The following RASAL3 variants were observed in gnomAD, a reference collection of about 807,000 sequenced individuals.
RASAL3 encodes the protein RAS protein activator like 3, also known as RAS protein activator like-3.
RASAL3 carries 74 observed loss-of-function variants against 105.5 expected under a neutral mutation model. The ratio of observed to expected loss-of-function variants is 0.70; its 90% CI spans 0.58 to 0.85. The LOEUF is 0.85. Among genes scored for constraint, RASAL3 ranks in the 40% least tolerant of loss-of-function variants. The pLI is 0.00. For synonymous variants in RASAL3, 579 were observed against 591.6 expected, an observed-to-expected ratio of 0.98 and a Z score of 0.31; for missense variants, 1,352 against 1,392.0, an observed-to-expected ratio of 0.97 and a Z score of 0.46.
At chr19:15,459,724 A>G (rs557110707) in intron 6 of RASAL3, among the ~76,000 whole-genome samples, 54 of 152,128 alleles carry the variant, frequency 3.5e-4, no homozygotes, top group Non-Finnish European at 6.2e-4. Context: ...TTTTGTAGAA[A>G]TGGGGTCTCA....
rs779879476 is a variant in RASAL3 at position 15,461,213 on chromosome 19, C to A, written c.544+5G>T. On this transcript the variant is annotated splice_donor_5th_base_variant and intron_variant, in intron 4 of 17. Coordinates refer to ENST00000343625, the MANE Select transcript of RASAL3 (RefSeq NM_022904.3). Reference sequence around the variant, plus strand: ...GCCCCAGGCCTTTCCACCCCTCAAGCTTACCTGGATCCCTGAAGTTCCCCA... The same window carrying A: ...GCCCCAGGCCTTTCCACCCCTCAAGATTACCTGGATCCCTGAAGTTCCCCA... 7.4e-6 allele frequency: 12 copies of A among 1,613,802 alleles called. No individual in the cohort carries two copies. In the Admixed American group the frequency reaches 1.8e-4, roughly 25 times the overall value.
chr19:15,459,863 G>C (rs922273738), intron 6 of RASAL3, among the ~76,000 whole-genome samples: 3 of 152,098 alleles, frequency 2.0e-5, no homozygotes, highest in African/African-American at 7.3e-5. Flanking sequence ...CGGCCTCTTG[G>C]CCTTTGCACT....
chr19:15,452,540 G>T, intron 16 of RASAL3, 118 bp downstream of exon 16: 2 of 927,308 alleles, frequency 2.2e-6, no homozygotes, highest in Non-Finnish European at 3.1e-6. Context: ...ATTGGGGCGG[G>T]GCCAGGGTGG....
Position 15,454,879 on chromosome 19 carries a change from T to A in RASAL3, c.1736A>T (p.Glu579Val). ...IIHSYDWFPAELGIVFSSWRE... is the reference protein window; with the variant it reads ...IIHSYDWFPAVLGIVFSSWRE... ...CCAGCTTGAGAACACGATGCCCAGC[T>A]CCGCAGGGAACCAGCTGGTGCAGAA... Residue 579 changes from glutamate to valine, a missense_variant, in exon 12 of 18, where the codon GAG becomes GTG. Glu to Val is a moderately radical substitution (Grantham distance 121). Around this residue, in one of 3 missense-constraint regions of RASAL3, gnomAD observed 920 missense variants for 919.6 expected, o/e 1.00. Coordinates refer to ENST00000343625, the MANE Select transcript of RASAL3 (RefSeq NM_022904.3). 6.4e-7 allele frequency: 1 copy of A among 1,559,890 alleles called. No homozygotes were observed. Among genetic ancestry groups the A allele is most frequent in the Non-Finnish European group, 8.7e-7 (1 of 1,153,376 alleles).
intron 2 of RASAL3, among the ~76,000 whole-genome samples, chr19:15,463,541 T>C (rs188632027): frequency 2.4e-4 from 36 of 152,278 alleles, no homozygotes; most frequent in African/African-American, 8.4e-4. Context: ...TCAACAAACC[T>C]CTGCTTGAAT....
Position 15,464,181 on chromosome 19 carries a change from G to A in RASAL3, c.178C>T (p.Gln60Ter), listed in dbSNP as rs1205757052. ...CGGAATATCGAGCGAGGGGCTGGCT[G>A]GGTGCTGACCATGGGCTCCTGGTGG... is the stretch of plus-strand genomic sequence containing the variant. Reference protein sequence around the residue: ...LSHQEPMVSTQPAPRSIFRRV... With the variant: ...LSHQEPMVST Residue 60 changes from glutamine to a stop codon, truncating the protein, a stop_gained, in exon 2 of 18, where the codon CAG becomes TAG. Transcript: ENST00000343625. LOFTEE classifies it high-confidence loss of function. 1 of 1,612,780 alleles carries A rather than the reference G, an allele frequency of 6.2e-7. No individual in the cohort carries two copies. Among genetic ancestry groups the A allele is most frequent in the Non-Finnish European group, 8.5e-7 (1 of 1,179,638 alleles).
At chr19:15,459,165 C>G (rs2145479867) in intron 6 of RASAL3, among the ~76,000 whole-genome samples, 1 of 151,874 alleles carries the variant, frequency 6.6e-6, no homozygotes, top group Non-Finnish European at 1.5e-5. Context: ...TCTTGAACTC[C>G]TGATCCCAAG....
chr19:15,458,667 G>A lies in RASAL3; in HGVS notation c.663-12C>T, dbSNP rs766473302. The A allele has an allele frequency of 1.4e-5, 23 of 1,611,254 alleles. No homozygotes were observed. The highest frequency in any genetic ancestry group is 1.7e-5 in the Non-Finnish European group (20 of 1,178,980). ...GAGCACTGGGGGGTCTGGGAAGGGG[G>A]TGGGTGAGCACACCGTCATTCCTGC... On this transcript the variant is annotated splice_polypyrimidine_tract_variant and intron_variant, in intron 6 of 17. Transcript: ENST00000343625.
chr19:15,452,600 A>T, intron 16 of RASAL3, 58 bp downstream of exon 16: 2 of 1,263,782 alleles, frequency 1.6e-6, no homozygotes, highest in Non-Finnish European at 1.0e-6. Context: ...GGGCCTGGTC[A>T]GATCTAATTG....
At chr19:15,460,092 AAC>A in intron 6 of RASAL3, 109 bp downstream of exon 6, 1 of 918,734 alleles carries the variant, frequency 1.1e-6, no homozygotes, top group South Asian at 1.6e-5. Context: ...TGTGGGGCAG[AAC>A]ACAGAGGCCA....
chr19:15,457,586 C>A lies in RASAL3; in HGVS notation c.1137G>T (p.Val379=). The change falls in exon 9 of 18, where the codon GTG becomes GTT. Residue 379 remains valine (V), a synonymous_variant. Transcript: ENST00000343625. This position sits in a 1 kb window ranked among gnomAD's most constrained non-coding sequence, Gnocchi z 8.6. The part of the protein sequence containing the change: ...RLRGLGPGSA[V]LGRVALALEE... ...CCAGCGCCAGGGCCACGCGGCCCAG[C>A]ACCGCGCTTCCCGGGCCCAAGCCGC... is the stretch of plus-strand genomic sequence containing the variant. 2 of 1,292,514 alleles carry A rather than the reference C, an allele frequency of 1.5e-6. No homozygotes were observed. The highest frequency in any genetic ancestry group is 4.0e-5 in the Admixed American group (1 of 25,160). 80.1% of individuals were successfully genotyped at this position (1,292,514 alleles called of 1,614,324 possible). A position where few individuals can be genotyped will look rare whatever the true frequency, so the allele number is the denominator to read the frequency against.
rs528269269 is a variant in RASAL3, at chr19:15,460,094, C to A, written c.662+109G>T. On this transcript the variant is annotated intron_variant, in intron 6 of 17. Transcript: ENST00000343625. The stretch of plus-strand genomic sequence containing the variant: ...CAGCATCAACTGATGTGGGGCAGAA[C>A]ACAGAGGCCACAGGGGGTGTTTGGT... The A allele has an allele frequency of 3.0e-5, 28 of 931,442 alleles. No individual in the cohort carries two copies. The East Asian group carries it at 6.9e-4, about 23-fold the overall frequency. The allele number at this position is 931,442 out of a possible 1,614,324, so 57.7% of individuals were successfully genotyped here. A position where few individuals can be genotyped will look rare whatever the true frequency, so the allele number is the denominator to read the frequency against.
At position 15,454,821 on chromosome 19, in the gene RASAL3, C is replaced by T. The variant is rs1306199304; in HGVS notation, c.1794G>A (p.Val598=). The change falls in exon 12 of 18, where the codon GTG becomes GTA. Residue 598 remains valine, a synonymous_variant. Coordinates refer to ENST00000343625, the MANE Select transcript of RASAL3 (RefSeq NM_022904.3). The part of the protein sequence containing the change: ...REACKERGSE[V]LGPRLVCASL... ...AGGCGCACACCAGTCGGGGGCCCAGCACCTCAGAGCCACGTTCTTTACATG... is the reference window on the plus strand; with the variant it reads ...AGGCGCACACCAGTCGGGGGCCCAGTACCTCAGAGCCACGTTCTTTACATG... 7 of 1,589,068 alleles carry T rather than the reference C, an allele frequency of 4.4e-6. No homozygotes were observed. Among genetic ancestry groups the T allele is most frequent in the Middle Eastern group, 1.7e-4 (1 of 6,038 alleles).
rs1377403595 is a variant in RASAL3 at position 15,456,611 on chromosome 19, C to G, written c.1467G>C (p.Ala489=). ...LVTDLGTAEL[A]RCGGREALLF... is the part of the protein sequence containing the mutation. ...GCAGCGCCTCACGGCCTCCACAGCG[C>G]GCCAGCTCCGCAGTGCCCAGGTCAG... The change falls in exon 10 of 18, where the codon GCG becomes GCC. Residue 489 remains alanine, a synonymous_variant. Coordinates refer to ENST00000343625, the MANE Select transcript of RASAL3 (RefSeq NM_022904.3). This position sits in a 1 kb window ranked among gnomAD's most constrained non-coding sequence, Gnocchi z 4.4. 6.2e-7 allele frequency: 1 copy of G among 1,613,270 alleles called. No homozygotes were observed.
intron 13 of RASAL3, 27 bp downstream of exon 13, chr19:15,454,334 C>G: frequency 6.3e-7 from 1 of 1,590,160 alleles, no homozygotes; most frequent in Non-Finnish European, 8.6e-7. Flanking sequence ...AGCCTTCTTG[C>G]CTCCCTACTC....
In RASAL3 at chr19:15,461,222, A is replaced by G; in HGVS notation, c.540T>C (p.Asp180=). Residue 180 remains aspartate (D), a synonymous_variant, in exon 4 of 18, where the codon GAT becomes GAC. Transcript: ENST00000343625. ...SIHVAMGNFR[D]PDRMPGKTEP... ...CTTTCCACCCCTCAAGCTTACCTGG[A>G]TCCCTGAAGTTCCCCATGGCCACGT... The G allele has an allele frequency of 1.9e-6, 3 of 1,613,816 alleles. No individual in the cohort carries two copies. The highest frequency in any genetic ancestry group is 2.5e-6 in the Non-Finnish European group (3 of 1,179,836).
At chr19:15,459,431 G>C (rs1031747639) in intron 6 of RASAL3, among the ~76,000 whole-genome samples, 29 of 151,044 alleles carry the variant, frequency 1.9e-4, no homozygotes, top group African/African-American at 6.4e-4. Flanking sequence ...TTTAAGTAGA[G>C]ATGGGATTTC....
chr19:15,461,150 G>A (rs762199929), intron 4 of RASAL3, 29 bp from the exon 5 acceptor site: 1 of 1,613,704 alleles, frequency 6.2e-7, no homozygotes. Flanking sequence ...GGCAGGTTGG[G>A]GGGTTGGATT....
At chr19:15,462,444 C>T (rs551606121) in intron 2 of RASAL3, among the ~76,000 whole-genome samples, 1 of 151,166 alleles carries the variant, frequency 6.6e-6, no homozygotes, top group Non-Finnish European at 1.5e-5. Context: ...TGAGATTCCG[C>T]CACTGCACTC....
Sources: gnomAD v4.1 joint callset for allele counts (sites outside exome capture counted in the v4.1 genomes callset) on GRCh38, gnomAD v4.1.1 for gene constraint, gnomAD v4.1.1 regional missense constraint, Gnocchi (gnomAD v3.1) non-coding constraint, MANE v1.5 for transcripts, NCBI Gene and HGNC (gene_info 2026-07-23, HGNC 2026-07-21) for gene names.